Variants in SCAPER observed in about 807,000 individuals in gnomAD.
SCAPER encodes S-phase cyclin A associated protein in the ER, also known as S phase cyclin A-associated protein in the endoplasmic reticulum.
SCAPER carries 98 observed loss-of-function variants against 182.2 expected under a neutral mutation model. The observed-to-expected ratio is 0.54, with a 90% CI of 0.46 to 0.64. The LOEUF (loss-of-function observed/expected upper bound fraction) is 0.64, where lower values mean the gene tolerates loss of function less well. Ranked by LOEUF, SCAPER falls within the 30% of genes least tolerant of loss-of-function variation. The probability of loss-of-function intolerance (pLI) is 0.00; values close to 1 mark genes in which losing one functional copy is unlikely to be tolerated. For missense variants in SCAPER, 1,432 were observed against 1,690.0 expected, an observed-to-expected ratio of 0.85 and a Z score of 2.68; for synonymous variants, 605 against 564.6, an observed-to-expected ratio of 1.07 and a Z score of -1.01.
At chr15:76,729,931 T>C (rs968554972) in intron 16 of SCAPER, among the ~76,000 whole-genome samples, 7 of 152,198 alleles carry the variant, frequency 4.6e-5, no homozygotes, top group Middle Eastern at 3.4e-3. Context: ...ACTCACAACC[T>C]CTCGGTAGCC....
intron 25 of SCAPER, among the ~76,000 whole-genome samples, chr15:76,451,602 C>G (rs977635610): frequency 2.0e-5 from 3 of 152,180 alleles, no homozygotes; most frequent in Admixed American, 2.0e-4. Context: ...CTGCTTTTTC[C>G]TCTCTAAACA....
chr15:76,489,655 T>G (rs2052079151), intron 24 of SCAPER, among the ~76,000 whole-genome samples: 1 of 151,570 alleles, frequency 6.6e-6, no homozygotes, highest in African/African-American at 2.4e-5. Context: ...GTAAAAACAC[T>G]TAATATGAGA....
At chr15:76,510,896 C>CGT (rs1274379398) in intron 23 of SCAPER, among the ~76,000 whole-genome samples, 16 of 150,790 alleles carry the variant, frequency 1.1e-4, no homozygotes, top group African/African-American at 4.0e-4. Context: ...TGTGCGCGCG[C>CGT]GCACGTATGG....
At chr15:76,734,951 A>G (rs1270419107) in intron 15 of SCAPER, among the ~76,000 whole-genome samples, 1 of 152,180 alleles carries the variant, frequency 6.6e-6, no homozygotes, top group Admixed American at 6.5e-5. Context: ...CATAAACATA[A>G]TCAAAATGAA....
At chr15:76,450,214 A>G (rs2048282784) in intron 25 of SCAPER, among the ~76,000 whole-genome samples, 1 of 152,232 alleles carries the variant, frequency 6.6e-6, no homozygotes, top group Non-Finnish European at 1.5e-5. Flanking sequence ...AAGGGCACTC[A>G]AAAGTGGAAG....
intron 27 of SCAPER, among the ~76,000 whole-genome samples, chr15:76,386,871 T>C (rs1458115551): frequency 2.0e-5 from 3 of 152,100 alleles, no homozygotes; most frequent in Admixed American, 6.5e-5. Flanking sequence ...TTTTACTGAG[T>C]GACATGGGAA....
intron 26 of SCAPER, among the ~76,000 whole-genome samples, chr15:76,411,434 G>C (rs1355032758): frequency 6.6e-6 from 1 of 151,908 alleles, no homozygotes; most frequent in African/African-American, 2.4e-5. Context: ...TCCCTTCCCC[G>C]CCCAAATCCA....
At chr15:76,777,142 C>T (rs1004747111) in intron 8 of SCAPER, among the ~76,000 whole-genome samples, 3 of 151,986 alleles carry the variant, frequency 2.0e-5, no homozygotes, top group Non-Finnish European at 4.4e-5. Context: ...GACATATTAC[C>T]TATAGAGAAA....
At chr15:76,860,883 T>C (rs1051049429) in intron 3 of SCAPER, among the ~76,000 whole-genome samples, 1 of 152,256 alleles carries the variant, frequency 6.6e-6, no homozygotes, top group South Asian at 2.1e-4. Context: ...AATGGAAACA[T>C]GATTAGAACA....
At chr15:76,751,637 CTT>C (rs2062089496) in intron 15 of SCAPER, among the ~76,000 whole-genome samples, 2 of 151,744 alleles carry the variant, frequency 1.3e-5, no homozygotes, top group South Asian at 4.2e-4. Flanking sequence ...AAAGAAAAGC[CTT>C]TTCAGCAAAT....
chr15:76,660,340 A>G (rs1465927040), intron 21 of SCAPER, among the ~76,000 whole-genome samples: 2 of 152,198 alleles, frequency 1.3e-5, no homozygotes, highest in Admixed American at 1.3e-4. Context: ...ATCCTGTGAC[A>G]TGCAATTAAC....
In SCAPER at chr15:76,434,109, G is replaced by A. The variant is rs1567130824; in HGVS notation, c.3280C>T (p.Pro1094Ser). 6.2e-7 allele frequency: 1 copy of A among 1,613,814 alleles called. No individual in the cohort carries two copies. Among genetic ancestry groups the A allele is most frequent in the Non-Finnish European group, 8.5e-7 (1 of 1,179,838 alleles). Residue 1094 changes from proline to serine, a missense_variant, in exon 26 of 32, where the codon CCT becomes TCT. Pro to Ser is a moderately conservative substitution (Grantham distance 74). Transcript: ENST00000563290. The part of the protein sequence containing the change: ...EMKNKPSQGD[P>S]FNNRVQDLIS... Reference sequence around the variant, plus strand: ...AGGTCCTGAACTCGATTGTTAAAAGGATCACCTTGTGAGGGTTTGTTTTTC... The same window carrying A: ...AGGTCCTGAACTCGATTGTTAAAAGAATCACCTTGTGAGGGTTTGTTTTTC...
intron 23 of SCAPER, among the ~76,000 whole-genome samples, chr15:76,570,101 G>T (rs1283229332): frequency 6.6e-6 from 1 of 152,038 alleles, no homozygotes; most frequent in African/African-American, 2.4e-5. Flanking sequence ...AATTGCTTCT[G>T]TTAGCCACCT....
chr15:76,478,117 G>T (rs1216989673), intron 24 of SCAPER, among the ~76,000 whole-genome samples: 2 of 151,596 alleles, frequency 1.3e-5, no homozygotes, highest in African/African-American at 4.8e-5. Context: ...CTTTGCCTTT[G>T]AATTCACAAT....
intron 25 of SCAPER, among the ~76,000 whole-genome samples, chr15:76,434,996 A>C (rs900613303): frequency 1.6e-4 from 24 of 152,244 alleles, no homozygotes; most frequent in South Asian, 6.2e-4. Context: ...AAAATATTAA[A>C]TTCCACAAAT....
At chr15:76,378,330 A>T (rs1251415150) in intron 28 of SCAPER, among the ~76,000 whole-genome samples, 2 of 152,218 alleles carry the variant, frequency 1.3e-5, no homozygotes, top group Non-Finnish European at 2.9e-5. Flanking sequence ...TTCTGAGGTC[A>T]GATCATGCTG....
At chr15:76,637,528 C>G (rs564967252) in intron 21 of SCAPER, among the ~76,000 whole-genome samples, 5 of 149,060 alleles carry the variant, frequency 3.4e-5, no homozygotes, top group Admixed American at 1.3e-4. Flanking sequence ...GAGACCCCCC[C>G]ATCTCTACAC....
rs530065429 is a variant in SCAPER at position 76,526,383 on chromosome 15, T to G, written c.2839-21409A>C. On this transcript the variant is annotated intron_variant, in intron 23 of 31. Coordinates refer to ENST00000563290, the MANE Select transcript of SCAPER (RefSeq NM_020843.4). ...CTGTACATTTTACATAATCTGTCTC[T>G]ACTCTAGTAGTTTAAAGTATTTTCT... is the stretch of plus-strand genomic sequence containing the variant. Among the ~76,000 whole-genome samples, 3 of 152,342 alleles carry G rather than the reference T, an allele frequency of 2.0e-5. No homozygotes were observed. The South Asian group carries it at 6.2e-4, about 32-fold the overall frequency.
intron 24 of SCAPER, among the ~76,000 whole-genome samples, chr15:76,503,396 TG>T (rs1276016995): frequency 6.6e-6 from 1 of 152,200 alleles, no homozygotes; most frequent in Non-Finnish European, 1.5e-5. Flanking sequence ...AAAGATTTCC[TG>T]ACTTAAAGAA....
Sources: allele counts gnomAD v4.1 joint callset (sites outside exome capture counted in the v4.1 genomes callset), GRCh38; gene constraint gnomAD v4.1.1; transcripts MANE v1.5; gene names NCBI Gene and HGNC (gene_info 2026-07-23, HGNC 2026-07-21).